The following NF2 variants were observed in gnomAD, a reference collection of about 807,000 sequenced individuals.
The protein encoded by NF2 is merlin.
Under a neutral mutation model 83.7 loss-of-function variants are expected in NF2, and 8 were observed. The ratio of observed to expected loss-of-function variants is 0.10; its 90% CI spans 0.06 to 0.17. The LOEUF (loss-of-function observed/expected upper bound fraction) is 0.17, where lower values mean the gene tolerates loss of function less well. Among genes scored for constraint, NF2 ranks in the 10% least tolerant of loss-of-function variants. NF2 has a pLI of 1.00. For synonymous variants in NF2, 266 were observed against 269.6 expected, an observed-to-expected ratio of 0.99 and a Z score of 0.13; for missense variants, 533 against 744.4, an observed-to-expected ratio of 0.72 and a Z score of 3.31.
chr22:29,622,844 C>T (rs1445998440), intron 1 of NF2, among the ~76,000 whole-genome samples: 1 of 150,862 alleles, frequency 6.6e-6, no homozygotes, highest in Non-Finnish European at 1.5e-5. Context: ...TTAGTAGAGA[C>T]GAAGTTTCAC....
intron 1 of NF2, among the ~76,000 whole-genome samples, chr22:29,607,280 C>T (rs1410682102): frequency 6.6e-6 from 1 of 151,958 alleles, no homozygotes; most frequent in East Asian, 1.9e-4. Flanking sequence ...AGAGTAAGAG[C>T]AAGTTATGCC....
At chr22:29,665,296 A>G (rs1402629081) in intron 9 of NF2, among the ~76,000 whole-genome samples, 1 of 151,154 alleles carries the variant, frequency 6.6e-6, no homozygotes, top group Admixed American at 6.6e-5. Flanking sequence ...GCTGGAGTGC[A>G]GTGGCAGTGC....
chr22:29,691,526 G>A (rs2067403398), intron 15 of NF2, among the ~76,000 whole-genome samples: 1 of 152,232 alleles, frequency 6.6e-6, no homozygotes, highest in South Asian at 2.1e-4. Context: ...GTTTTCATGT[G>A]TTTAAAAAGA....
At chr22:29,693,827 C>T (rs897815651) in intron 15 of NF2, among the ~76,000 whole-genome samples, 2 of 152,190 alleles carry the variant, frequency 1.3e-5, no homozygotes, top group Non-Finnish European at 2.9e-5. Context: ...GGTACAGACT[C>T]CCTCCCCTCC....
intron 9 of NF2, among the ~76,000 whole-genome samples, chr22:29,665,838 T>G (rs2066607670): frequency 6.6e-6 from 1 of 152,100 alleles, no homozygotes. Context: ...GTTAACACCC[T>G]GCTGGTCTCT....
chr22:29,682,969 G>A (rs2067181675), intron 15 of NF2: 2 of 1,606,848 alleles, frequency 1.2e-6, no homozygotes, highest in South Asian at 2.2e-5. Flanking sequence ...TGGCATTGTT[G>A]ATATCACAGG....
chr22:29,650,967 A>G (rs913731309), intron 4 of NF2, among the ~76,000 whole-genome samples: 3 of 152,054 alleles, frequency 2.0e-5, no homozygotes, highest in African/African-American at 4.8e-5. Context: ...CCTTTTGTCT[A>G]TTTTACGTAT....
chr22:29,656,027 C>A (rs1230251437), intron 6 of NF2, among the ~76,000 whole-genome samples: 1 of 151,660 alleles, frequency 6.6e-6, no homozygotes, highest in Non-Finnish European at 1.5e-5. Flanking sequence ...CAGCCTTGAC[C>A]TCCTGGGTTC....
chr22:29,609,967 G>A (rs1175912413), intron 1 of NF2, among the ~76,000 whole-genome samples: 1 of 152,026 alleles, frequency 6.6e-6, no homozygotes, highest in Non-Finnish European at 1.5e-5. Flanking sequence ...GGTAATATGA[G>A]TCTAATGGAA....
intron 4 of NF2, among the ~76,000 whole-genome samples, chr22:29,647,057 G>A (rs2066003810): frequency 6.7e-6 from 1 of 148,342 alleles, no homozygotes. Context: ...AAAAAATGTA[G>A]TCAGGGTTTT....
In NF2 at chr22:29,604,069, T is replaced by C. The variant is rs773714780; in HGVS notation, c.71T>C (p.Val24Ala). 3 of 1,607,966 alleles carry C rather than the reference T, an allele frequency of 1.9e-6. No homozygotes were observed. In the Admixed American group the frequency reaches 5.1e-5, roughly 27 times the overall value. ...AGGAAGCAACCCAAGACGTTCACCGTGAGGATCGTCACCATGGACGCCGAG... is the reference window on the plus strand; with the variant it reads ...AGGAAGCAACCCAAGACGTTCACCGCGAGGATCGTCACCATGGACGCCGAG... ...LKRKQPKTFT[V>A]RIVTMDAEME... Residue 24 changes from valine to alanine, a missense_variant, in exon 1 of 16, where the codon GTG (valine) becomes GCG (alanine). Transcript: ENST00000338641.
chr22:29,640,326 A>G (rs556536894), intron 3 of NF2, among the ~76,000 whole-genome samples: 4 of 151,824 alleles, frequency 2.6e-5, no homozygotes, highest in Admixed American at 6.6e-5. Flanking sequence ...TTCTTCCTTA[A>G]TTCCTCATTA....
chr22:29,687,966 C>T (rs2067308270), intron 15 of NF2, among the ~76,000 whole-genome samples: 1 of 152,216 alleles, frequency 6.6e-6, no homozygotes, highest in Admixed American at 6.5e-5. Flanking sequence ...CTTAGTGCTC[C>T]TCCCGGATGG....
At chr22:29,617,807 G>A (rs2065117787) in intron 1 of NF2, among the ~76,000 whole-genome samples, 3 of 152,180 alleles carry the variant, frequency 2.0e-5, no homozygotes, top group Admixed American at 2.0e-4. Context: ...CCGGCCCAAG[G>A]ACCACACTTT....
intron 4 of NF2, 22 bp from the exon 5 acceptor site, chr22:29,654,635 G>T: frequency 6.2e-7 from 1 of 1,609,824 alleles, no homozygotes. Flanking sequence ...TCAATCGCCT[G>T]CTCTCCCTTT....
intron 1 of NF2, among the ~76,000 whole-genome samples, chr22:29,622,695 G>A (rs1351258106): frequency 5.2e-5 from 6 of 115,860 alleles, no homozygotes; most frequent in African/African-American, 6.7e-5. Flanking sequence ...TCGCTCTGTC[G>A]CCCAGGCTGG....
chr22:29,620,376 G>A (rs898897156), intron 1 of NF2, among the ~76,000 whole-genome samples: 2 of 152,146 alleles, frequency 1.3e-5, no homozygotes, highest in Non-Finnish European at 2.9e-5. Context: ...AGCTATGTTC[G>A]TACCACTGCA....
intron 4 of NF2, among the ~76,000 whole-genome samples, chr22:29,649,921 G>A (rs941042235): frequency 1.9e-4 from 29 of 152,002 alleles, no homozygotes; most frequent in African/African-American, 6.8e-4. Context: ...ATGCTTGAGG[G>A]GATGGACACC....
chr22:29,675,078 G>A (rs1187784529), intron 13 of NF2, 137 bp downstream of exon 13: 11 of 737,466 alleles, frequency 1.5e-5, no homozygotes, highest in South Asian at 1.7e-5. Flanking sequence ...GGTGCAGAGA[G>A]CCTGCAGTTA....
Sources: allele counts gnomAD v4.1 joint callset (sites outside exome capture counted in the v4.1 genomes callset), GRCh38; gene constraint gnomAD v4.1.1; transcripts MANE v1.5; gene names NCBI Gene and HGNC (gene_info 2026-07-23, HGNC 2026-07-21).